Variants in CALU observed in about 807,000 individuals in gnomAD.
The protein encoded by CALU is IEF SSP 9302.
In CALU, 13 loss-of-function variants were observed where a neutral mutation model predicts 37.5. The ratio of observed to expected loss-of-function variants is 0.35; its 90% CI spans 0.23 to 0.55. The LOEUF (loss-of-function observed/expected upper bound fraction) is 0.55, where lower values mean the gene tolerates loss of function less well. Ranked by LOEUF, CALU falls within the 20% of genes least tolerant of loss-of-function variation. The probability of loss-of-function intolerance (pLI) is 0.89; values close to 1 mark genes in which losing one functional copy is unlikely to be tolerated. For missense variants in CALU, 282 were observed against 391.7 expected, an observed-to-expected ratio of 0.72 and a Z score of 2.36; for synonymous variants, 114 against 133.8, an observed-to-expected ratio of 0.85 and a Z score of 1.02.
At chr7:128,763,296 T>C (rs1480554634) in intron 5 of CALU, among the ~76,000 whole-genome samples, 1 of 152,080 alleles carries the variant, frequency 6.6e-6, no homozygotes, top group Non-Finnish European at 1.5e-5. Flanking sequence ...TTTGGGAGGC[T>C]GAGGTGGGCG....
At chr7:128,756,697 T>C (rs1400526898) in intron 3 of CALU, among the ~76,000 whole-genome samples, 1 of 152,186 alleles carries the variant, frequency 6.6e-6, no homozygotes, top group Non-Finnish European at 1.5e-5. Context: ...TAAAGCTGTA[T>C]ACAGGCCAGC....
chr7:128,756,121 A>C (rs1800874725), intron 3 of CALU, among the ~76,000 whole-genome samples: 1 of 152,240 alleles, frequency 6.6e-6, no homozygotes, highest in African/African-American at 2.4e-5. Flanking sequence ...ACAGATGGAG[A>C]GGCATCCTGC....
intron 3 of CALU, among the ~76,000 whole-genome samples, chr7:128,757,999 A>G (rs1192800860): frequency 1.3e-5 from 2 of 151,936 alleles, no homozygotes; most frequent in Admixed American, 6.6e-5. Context: ...GTTTTGACGT[A>G]TGTATTTACC....
intron 3 of CALU, among the ~76,000 whole-genome samples, chr7:128,756,535 G>T (rs1381982726): frequency 6.6e-6 from 1 of 152,154 alleles, no homozygotes; most frequent in Non-Finnish European, 1.5e-5. Flanking sequence ...TCAATTTGGA[G>T]TTCAGGTATA....
chr7:128,764,563 C>T (rs535892552), intron 5 of CALU, among the ~76,000 whole-genome samples: 2 of 152,100 alleles, frequency 1.3e-5, no homozygotes, highest in Non-Finnish European at 2.9e-5. Flanking sequence ...AATTTGGACA[C>T]GACAACTTTA....
intron 6 of CALU, 65 bp from the exon 7 acceptor site, chr7:128,768,996 AAC>A: frequency 2.3e-6 from 2 of 888,134 alleles, no homozygotes; most frequent in East Asian, 4.9e-5. Flanking sequence ...ATTCTTCTAT[AAC>A]AGTGTTTCTG....
chr7:128,766,554 G>T (rs1472733932), intron 5 of CALU, among the ~76,000 whole-genome samples: 1 of 150,164 alleles, frequency 6.7e-6, no homozygotes, highest in Non-Finnish European at 1.5e-5. Flanking sequence ...TCAGCCTCTC[G>T]AGTAGCTGGG....
rs1012831963 is a variant in CALU, at chr7:128,768,847, C to CAAAAAAAAAAAAAAAAAAA, written c.844-213_844-195dup. Among the ~76,000 whole-genome samples, 389 of 55,040 alleles carry CAAAAAAAAAAAAAAAAAAA rather than the reference C, an allele frequency of 7.1e-3. 38 individuals carry two copies. Among genetic ancestry groups the CAAAAAAAAAAAAAAAAAAA allele is most frequent in the African/African-American group, 7.9e-3 (91 of 11,540 alleles). 36.1% of individuals were successfully genotyped at this position (55,040 alleles called of 152,430 possible). ...GGGCAACAAGAGCGAAACTCCGTCTCAAAAAAAAAAAAAAAAAAAAACAAG... is the reference window on the plus strand; with the variant it reads ...GGGCAACAAGAGCGAAACTCCGTCTCAAAAAAAAAAAAAAAAAAAAAAAAAAAAAAAAAAAAAAAACAAG... On this transcript the variant is annotated intron_variant, in intron 6 of 6. Coordinates refer to ENST00000249364, the MANE Select transcript of CALU (RefSeq NM_001219.5).
rs146270934 is a variant in CALU, at chr7:128,748,693, A to G, written c.110A>G (p.Lys37Arg). The G allele has an allele frequency of 1.4e-5, 23 of 1,614,064 alleles. No homozygotes were observed. The highest frequency in any genetic ancestry group is 2.7e-5 in the African/African-American group (2 of 74,922). Residue 37 changes from lysine (K) to arginine (R), a missense_variant, in exon 2 of 7, where the codon AAG becomes AGG. Physicochemically the swap from Lys to Arg is conservative, Grantham distance 26. Transcript: ENST00000249364. ...CATCATGAGCCTCAGCTCAGTGACA[A>G]GGTTCACAATGATGCTCAGAGTTTT... is the stretch of plus-strand genomic sequence containing the variant. ...RVHHEPQLSDKVHNDAQSFDY... is the reference protein window; with the variant it reads ...RVHHEPQLSDRVHNDAQSFDY...
chr7:128,746,959 G>A (rs1181559006), intron 1 of CALU, among the ~76,000 whole-genome samples: 2 of 151,844 alleles, frequency 1.3e-5, no homozygotes, highest in Non-Finnish European at 2.9e-5. Context: ...TAGTAGAGAC[G>A]GGGTTTTACC....
At chr7:128,754,573 C>G in intron 3 of CALU, 118 bp downstream of exon 3, 1 of 1,552,516 alleles carries the variant, frequency 6.4e-7, no homozygotes. Flanking sequence ...GGGTTTGTGA[C>G]GGAGGGGGAG....
At chr7:128,753,150 C>T (rs1800742890) in intron 2 of CALU, among the ~76,000 whole-genome samples, 1 of 152,212 alleles carries the variant, frequency 6.6e-6, no homozygotes, top group African/African-American at 2.4e-5. Flanking sequence ...GTCACTAGTA[C>T]TTTTCAATTC....
intron 1 of CALU, among the ~76,000 whole-genome samples, chr7:128,746,520 C>G (rs1403717221): frequency 6.6e-6 from 1 of 151,960 alleles, no homozygotes; most frequent in Non-Finnish European, 1.5e-5. Context: ...GTGGTACAAT[C>G]TCAGCTAACT....
chr7:128,751,495 A>T (rs1800673427), intron 2 of CALU, among the ~76,000 whole-genome samples: 1 of 152,070 alleles, frequency 6.6e-6, no homozygotes, highest in Non-Finnish European at 1.5e-5. Flanking sequence ...GAGAGGCTGA[A>T]GCAGGAGGAT....
Position 128,769,301 on chromosome 7 carries a change from C to G in CALU, c.*134C>G. The G allele has an allele frequency of 1.8e-6, 1 of 560,274 alleles. No homozygotes were observed. Among genetic ancestry groups the G allele is most frequent in the Non-Finnish European group, 3.2e-6 (1 of 315,028 alleles). The allele number at this position is 560,274 out of a possible 1,614,324, so 34.7% of individuals were successfully genotyped here. A position where few individuals can be genotyped will look rare whatever the true frequency, so the allele number is the denominator to read the frequency against. ...TGAAAAGGCGTAATGAAAACCATCCCGTCCCCATTCCTCCTCCTCTCTGAG... is the reference window on the plus strand; with the variant it reads ...TGAAAAGGCGTAATGAAAACCATCCGGTCCCCATTCCTCCTCCTCTCTGAG... On this transcript the variant is annotated 3_prime_UTR_variant, in exon 7 of 7. Transcript: ENST00000249364.
At chr7:128,759,962 G>A (rs561674359) in intron 5 of CALU, 110 bp downstream of exon 5, 27 of 654,472 alleles carry the variant, frequency 4.1e-5, no homozygotes, top group South Asian at 3.2e-4. Flanking sequence ...CTGGGAGGCC[G>A]AGGCGGGCAG....
chr7:128,763,809 G>A (rs1585018125), intron 5 of CALU, among the ~76,000 whole-genome samples: 1 of 152,316 alleles, frequency 6.6e-6, no homozygotes, highest in African/African-American at 2.4e-5. Flanking sequence ...AAATTGGCAA[G>A]TCCTGCTGTG....
At chr7:128,758,364 G>A (rs1262137841) in intron 3 of CALU, among the ~76,000 whole-genome samples, 1 of 152,164 alleles carries the variant, frequency 6.6e-6, no homozygotes, top group Admixed American at 6.5e-5. Flanking sequence ...AGCAATAACT[G>A]ACATTTGTTG....
At chr7:128,750,625 T>C (rs1256102868) in intron 2 of CALU, among the ~76,000 whole-genome samples, 1 of 152,250 alleles carries the variant, frequency 6.6e-6, no homozygotes, top group Non-Finnish European at 1.5e-5. Context: ...CCCTACTTTA[T>C]ACAGTAACAT....
Sources: gnomAD v4.1 joint callset for allele counts (sites outside exome capture counted in the v4.1 genomes callset) on GRCh38, gnomAD v4.1.1 for gene constraint, MANE v1.5 for transcripts, NCBI Gene and HGNC (gene_info 2026-07-23, HGNC 2026-07-21) for gene names.